The following TMIGD3 variants were observed in gnomAD, a reference collection of about 807,000 sequenced individuals.
TMIGD3 encodes AD026 protein (AD026).
Under a neutral mutation model 28.1 loss-of-function variants are expected in TMIGD3, and 21 were observed. The ratio of observed to expected loss-of-function variants is 0.75; its 90% CI spans 0.53 to 1.08. TMIGD3 has a LOEUF of 1.08. Ranked by LOEUF, TMIGD3 falls within the 50% of genes least tolerant of loss-of-function variation. The pLI, the probability that TMIGD3 is intolerant of heterozygous loss-of-function variation, is 0.00. For missense variants in TMIGD3, 416 were observed against 435.6 expected (o/e 0.96, Z 0.40); for synonymous variants, 151 against 162.1 (o/e 0.93, Z 0.52).
At chr1:111,510,977 T>A (rs1411309142) in intron 1 of TMIGD3, among the ~76,000 whole-genome samples, 2 of 152,182 alleles carry the variant, frequency 1.3e-5, no homozygotes, top group Admixed American at 1.3e-4. Flanking sequence ...GGCACCCACA[T>A]CCAGCAATAT....
At chr1:111,489,931 G>A (rs1318151960) in intron 2 of TMIGD3, among the ~76,000 whole-genome samples, 2 of 152,168 alleles carry the variant, frequency 1.3e-5, no homozygotes, top group African/African-American at 4.8e-5. Context: ...AAGAGGAGAT[G>A]AGACAGCAGA....
intron 1 of TMIGD3, among the ~76,000 whole-genome samples, chr1:111,554,139 T>C (rs1320938060): frequency 6.6e-6 from 1 of 152,240 alleles, no homozygotes; most frequent in African/African-American, 2.4e-5. Flanking sequence ...ATGCCTCAGT[T>C]TCTCCATCTT....
chr1:111,485,833 T>C lies in TMIGD3; in HGVS notation c.880A>G (p.Ile294Val), dbSNP rs1351063423. 1.9e-6 allele frequency: 3 copies of C among 1,609,158 alleles called. No individual in the cohort carries two copies. The highest frequency in any genetic ancestry group is 1.7e-5 in the Admixed American group (1 of 59,260). Residue 294 changes from isoleucine (I) to valine (V), a missense_variant, in exon 5 of 6, where the codon ATT (isoleucine) becomes GTT (valine). Physicochemically the swap from Ile to Val is conservative, Grantham distance 29. Coordinates refer to ENST00000369716, the MANE Select transcript of TMIGD3 (RefSeq NM_020683.7). Reference protein sequence around the residue: ...VRKADRSRTSILIICILITGL... With the variant: ...VRKADRSRTSVLIICILITGL... ...GTGATCAGTATGCAAATGATGAGAA[T>C]GGACGTCCTAGAAGGAACCACAGCA...
At chr1:111,538,801 T>C (rs1656726784) in intron 1 of TMIGD3, among the ~76,000 whole-genome samples, 1 of 152,222 alleles carries the variant, frequency 6.6e-6, no homozygotes, top group South Asian at 2.1e-4. Context: ...CACAGAGGAA[T>C]TGGGTTTTTG....
At position 111,517,988 on chromosome 1, in the gene TMIGD3, G is replaced by A. The variant is rs550094489; in HGVS notation, c.108-27226C>T. Among the ~76,000 whole-genome samples, 243 of 152,240 alleles carry A rather than the reference G, an allele frequency of 1.6e-3. 2 individuals are homozygous for A. The highest frequency in any genetic ancestry group is 5.7e-3 in the African/African-American group (237 of 41,530). On this transcript the variant is annotated intron_variant, in intron 1 of 5. Transcript: ENST00000369717. ...GTATCTTAACACATCCCTGTGAGGC[G>A]GATATCATTTTGTACCCATTTTATA...
chr1:111,500,842 C>T (rs376742946), intron 1 of TMIGD3: 1 of 507,832 alleles, frequency 2.0e-6, no homozygotes, highest in Non-Finnish European at 3.4e-6. Context: ...AGGATGTTGC[C>T]TAGAGTCAAG....
chr1:111,561,899 C>A (rs529606856), intron 1 of TMIGD3, among the ~76,000 whole-genome samples: 7 of 152,200 alleles, frequency 4.6e-5, no homozygotes, highest in African/African-American at 1.4e-4. Flanking sequence ...TTCAACACTC[C>A]TCCCCATCTC....
intron 1 of TMIGD3, among the ~76,000 whole-genome samples, chr1:111,522,478 C>T (rs993467574): frequency 6.6e-6 from 1 of 151,258 alleles, no homozygotes; most frequent in African/African-American, 2.4e-5. Context: ...TCAGATTTTA[C>T]AAACCTTTTA....
chr1:111,490,302 G>T (rs186350844), intron 2 of TMIGD3: 1 of 205,840 alleles, frequency 4.9e-6, no homozygotes, highest in African/African-American at 2.3e-5. Flanking sequence ...TTTTATTCCA[G>T]TGGAGATGCT....
chr1:111,518,499 A>AC (rs1445234483), intron 1 of TMIGD3, among the ~76,000 whole-genome samples: 1 of 152,210 alleles, frequency 6.6e-6, no homozygotes, highest in Non-Finnish European at 1.5e-5. Flanking sequence ...GCGTCTCCAG[A>AC]CATTACTAAA....
chr1:111,555,544 C>T (rs1657455580), intron 1 of TMIGD3, among the ~76,000 whole-genome samples: 1 of 151,694 alleles, frequency 6.6e-6, no homozygotes, highest in South Asian at 2.1e-4. Flanking sequence ...TTACAGAATT[C>T]AGCTTAGAGA....
intron 1 of TMIGD3, among the ~76,000 whole-genome samples, chr1:111,563,382 T>C (rs890558949): frequency 6.6e-6 from 1 of 152,204 alleles, no homozygotes; most frequent in East Asian, 1.9e-4. Flanking sequence ...ACATATGAAA[T>C]AATTGGAAAA....
chr1:111,500,298 G>A lies in TMIGD3; in HGVS notation c.350+2707C>T, dbSNP rs150472165. The A allele has an allele frequency of 2.0e-5, 32 of 1,614,110 alleles. No homozygotes were observed. In the African/African-American group the frequency reaches 3.7e-4, roughly 19 times the overall value. On this transcript the variant is annotated intron_variant, in intron 1 of 5. Coordinates refer to ENST00000369716, the MANE Select transcript of TMIGD3 (RefSeq NM_020683.7). The stretch of plus-strand genomic sequence containing the variant: ...AGTTCAGACTGAGTTTGTTCCGAAT[G>A]ATGTAAAAGATGTCAAGATAGATGG...
intron 1 of TMIGD3, among the ~76,000 whole-genome samples, chr1:111,549,230 T>A (rs574744331): frequency 2.6e-5 from 4 of 152,152 alleles, no homozygotes; most frequent in Non-Finnish European, 4.4e-5. Context: ...TTTATTTTTT[T>A]AAAAAATCTT....
chr1:111,513,913 C>A (rs1655772995), intron 1 of TMIGD3, among the ~76,000 whole-genome samples: 1 of 152,196 alleles, frequency 6.6e-6, no homozygotes, highest in African/African-American at 2.4e-5. Flanking sequence ...GCAGGGCATC[C>A]CCTAGTTGGG....
chr1:111,498,845 G>A (rs1231368088), intron 1 of TMIGD3, among the ~76,000 whole-genome samples: 1 of 152,182 alleles, frequency 6.6e-6, no homozygotes, highest in Non-Finnish European at 1.5e-5. Flanking sequence ...CAACACTTTG[G>A]CAAGGCCAAG....
chr1:111,554,399 G>T (rs565711749), intron 1 of TMIGD3, among the ~76,000 whole-genome samples: 1 of 152,176 alleles, frequency 6.6e-6, no homozygotes, highest in South Asian at 2.1e-4. Context: ...AAAGTCAAAG[G>T]TGGCATGGCA....
chr1:111,485,259 G>A (rs1654305893), intron 5 of TMIGD3: 1 of 152,872 alleles, frequency 6.5e-6, no homozygotes, highest in Non-Finnish European at 1.5e-5. Flanking sequence ...TACTTGAGAG[G>A]CTGAGGTGAG....
At chr1:111,483,969 C>A (rs1654241084) in intron 5 of TMIGD3, among the ~76,000 whole-genome samples, 1 of 152,202 alleles carries the variant, frequency 6.6e-6, no homozygotes, top group Non-Finnish European at 1.5e-5. Context: ...CTTGCATTCA[C>A]CTCTGTGAAC....
Sources: gnomAD v4.1 joint callset for allele counts (sites outside exome capture counted in the v4.1 genomes callset) on GRCh38, gnomAD v4.1.1 for gene constraint, MANE v1.5 for transcripts, NCBI Gene and HGNC (gene_info 2026-07-23, HGNC 2026-07-21) for gene names.